TTC21A: variants seen among roughly 807,000 people sequenced by gnomAD.
TTC21A encodes the protein tetratricopeptide repeat domain 21A.
TTC21A carries 128 observed loss-of-function variants against 156.4 expected under a neutral mutation model. The ratio of observed to expected loss-of-function variants is 0.82; its 90% confidence interval spans 0.71 to 0.95. The LOEUF is 0.95. Among genes scored for constraint, TTC21A ranks in the 40% least tolerant of loss-of-function variants. The pLI is 0.00. For missense variants in TTC21A, 1,435 were observed against 1,602.3 expected, an observed-to-expected ratio of 0.90 and a Z score of 1.78; for synonymous variants, 587 against 617.1, an observed-to-expected ratio of 0.95 and a Z score of 0.72.
chr3:39,111,960 G>A (rs4676599), intron 4 of TTC21A, among the ~76,000 whole-genome samples: 5,212 of 152,290 alleles, frequency 0.034, 187 homozygotes, highest in East Asian at 0.16. Flanking sequence ...CGAGGTCCAC[G>A]AGCTCAGAAC....
Position 39,128,988 on chromosome 3 carries a change from T to A in TTC21A, c.1896+56T>A, listed in dbSNP as rs2038499052. ...ACTGGGGCACACTGGAGGCTCAGGG[T>A]AGGCCCAGGAACCAGGTTCTTTGAT... On this transcript the variant is annotated intron_variant, in intron 14 of 28. Transcript: ENST00000683103. The A allele has an allele frequency of 1.9e-6, 3 of 1,608,434 alleles. No homozygotes were observed. The East Asian group carries it at 6.7e-5, about 36-fold the overall frequency.
chr3:39,119,644 G>GA (rs1447509215), intron 7 of TTC21A: 9 of 219,614 alleles, frequency 4.1e-5, no homozygotes, highest in South Asian at 1.9e-4. Flanking sequence ...AAAAAAAAAA[G>GA]AAAAAAAAGA....
In TTC21A at chr3:39,125,105, C is replaced by T; in HGVS notation, c.1136C>T (p.Ala379Val). The part of the protein sequence containing the change: ...CHILEGHLEE[A>V]EYRLEFLKEV... Reference sequence around the variant, plus strand: ...ATCTTAGAAGGCCACCTGGAGGAAGCTGAGTACCGGCTGGAATTCCTGAAG... The same window carrying T: ...ATCTTAGAAGGCCACCTGGAGGAAGTTGAGTACCGGCTGGAATTCCTGAAG... Residue 379 changes from alanine (A) to valine (V), a missense_variant, in exon 10 of 29, where the codon GCT becomes GTT. Transcript: ENST00000683103. The T allele has an allele frequency of 1.2e-6, 2 of 1,614,048 alleles. No homozygotes were observed. The highest frequency in any genetic ancestry group is 4.5e-5 in the East Asian group (2 of 44,884).
At chr3:39,111,749 G>T (rs1325766478) in intron 4 of TTC21A, among the ~76,000 whole-genome samples, 1 of 152,192 alleles carries the variant, frequency 6.6e-6, no homozygotes, top group Admixed American at 6.5e-5. Flanking sequence ...TCTTGGAAGG[G>T]GAGGGATTGA....
rs199934325 is a variant in TTC21A, at chr3:39,134,180, G to T, written c.2752-38G>T. 2 of 1,369,674 alleles carry T rather than the reference G, an allele frequency of 1.5e-6. No homozygotes were observed. Among genetic ancestry groups the T allele is most frequent in the African/African-American group, 2.8e-5 (2 of 70,306 alleles). The allele number at this position is 1,369,674 out of a possible 1,614,324, so 84.8% of individuals were successfully genotyped here. On this transcript the variant is annotated intron_variant, in intron 20 of 28. Coordinates refer to ENST00000683103, the MANE Select transcript of TTC21A (RefSeq NM_001366900.1). The surrounding 1 kb of genome is among the most constrained non-coding windows in gnomAD (Gnocchi z 4.6). ...GATAACCCCAGGGGTTTCCCATGGT[G>T]TTTACTAGTTAGTTTATTATATCCG...
chr3:39,133,878 T>C (rs1402022490), intron 20 of TTC21A, among the ~76,000 whole-genome samples: 1 of 152,122 alleles, frequency 6.6e-6, no homozygotes, highest in African/African-American at 2.4e-5. Flanking sequence ...TGCCATGCAA[T>C]ACATGCCTGC....
chr3:39,130,297 A>G lies in TTC21A; in HGVS notation c.2258A>G (p.His753Arg), dbSNP rs764986294. Residue 753 changes from histidine to arginine, a missense_variant, in exon 17 of 29, where the codon CAT (histidine) becomes CGT (arginine). Physicochemically the swap from His to Arg is conservative, Grantham distance 29 (BLOSUM62 0). Transcript: ENST00000683103. This position sits in a 1 kb window ranked among gnomAD's most constrained non-coding sequence, Gnocchi z 4.5. ...VYDEAYRQNP[H>R]DASLASRIGH... is the part of the protein sequence containing the mutation. Reference sequence around the variant, plus strand: ...GATGAGGCCTATAGACAGAACCCACATGACGCCTCCCTGGCCAGCAGAATT... The same window carrying G: ...GATGAGGCCTATAGACAGAACCCACGTGACGCCTCCCTGGCCAGCAGAATT... 6.9e-5 allele frequency: 111 copies of G among 1,614,064 alleles called. 2 individuals are homozygous for G. In the South Asian group the frequency reaches 1.0e-3, roughly 15 times the overall value.
At chr3:39,126,514 A>ACACACACACACACACACC (rs2038265290) in intron 12 of TTC21A, 124 bp downstream of exon 12, 1 of 966,086 alleles carries the variant, frequency 1.0e-6, no homozygotes, top group African/African-American at 1.8e-5. Context: ...ACACACACAC[A>ACACACACACACACACACC]CACACACTCT....
intron 19 of TTC21A, 72 bp from the exon 20 acceptor site, chr3:39,132,980 G>C: frequency 6.5e-7 from 1 of 1,540,686 alleles, no homozygotes; most frequent in Non-Finnish European, 8.8e-7. Context: ...TTTGAATTAA[G>C]AACTTAGGAC....
rs1021676161 is a variant in TTC21A, at chr3:39,129,511, G to A, written c.2135+201G>A. 5.9e-5 allele frequency among the ~76,000 whole-genome samples: 9 copies of A among 152,184 alleles called. No homozygotes were observed. The East Asian group carries it at 7.7e-4, about 13-fold the overall frequency. On this transcript the variant is annotated intron_variant, in intron 15 of 28. Transcript: ENST00000683103. ...TGTTCATGGATGAGGATACAGAATC[G>A]AATTGGCCCTGAGCCCTGCTTGCCT...
chr3:39,135,056 T>G, intron 21 of TTC21A, 37 bp from the exon 22 acceptor site: 1 of 1,405,356 alleles, frequency 7.1e-7, no homozygotes, highest in Non-Finnish European at 9.9e-7. Context: ...AAGCTGCCAC[T>G]GTTGGGAAAT....
At chr3:39,108,352 T>G (rs13077681) in intron 1 of TTC21A, 2,253 of 161,240 alleles carry the variant, frequency 0.014, 18 homozygotes, top group Non-Finnish European at 0.024. Context: ...TGCAACAGCC[T>G]CCCTCCCATC....
At position 39,125,547 on chromosome 3, in the gene TTC21A, T is replaced by A; in HGVS notation, c.1392+15T>A. 1.3e-6 allele frequency: 2 copies of A among 1,581,270 alleles called. No homozygotes were observed. Among genetic ancestry groups the A allele is most frequent in the Non-Finnish European group, 1.7e-6 (2 of 1,150,316 alleles). ...GCCCCAAGCAGGTTAGGGGAAGGCC[T>A]GTCTTCATGGTGGGGGTCTGGAGTA... On this transcript the variant is annotated intron_variant, in intron 11 of 28. Transcript: ENST00000683103.
rs1419254129 is a variant in TTC21A at position 39,126,518 on chromosome 3, A to ACT, written c.1522+129_1522+130insTC. On this transcript the variant is annotated intron_variant, in intron 12 of 28. Transcript: ENST00000683103. The stretch of plus-strand genomic sequence containing the variant: ...CACACACACACACACACACACACAC[A>ACT]CACTCTCCTTGCCTGGGGTACTACG... The ACT allele has an allele frequency of 4.4e-6, 4 of 908,422 alleles. No individual in the cohort carries two copies. In the African/African-American group the frequency reaches 8.1e-5, roughly 18 times the overall value. 56.3% of individuals were successfully genotyped at this position (908,422 alleles called of 1,614,324 possible).
At chr3:39,117,074 T>TG (rs1421880252) in intron 6 of TTC21A, among the ~76,000 whole-genome samples, 1 of 152,222 alleles carries the variant, frequency 6.6e-6, no homozygotes, top group Non-Finnish European at 1.5e-5. Context: ...ATATAAGCAT[T>TG]GAAGTCTGTG....
At chr3:39,137,133 A>G in intron 24 of TTC21A, 62 bp from the exon 25 acceptor site, 3 of 1,599,900 alleles carry the variant, frequency 1.9e-6, no homozygotes, top group Non-Finnish European at 2.6e-6. Context: ...GGTTGAAGCC[A>G]GGTGAGGGCC....
At chr3:39,126,514 ACACACACT>A (rs1380374891) in intron 12 of TTC21A, 124 bp downstream of exon 12, 8 of 966,104 alleles carry the variant, frequency 8.3e-6, no homozygotes, top group African/African-American at 1.8e-5. Context: ...ACACACACAC[ACACACACT>A]CTCCTTGCCT....
chr3:39,110,483 T>C, intron 3 of TTC21A: 1 of 497,882 alleles, frequency 2.0e-6, no homozygotes, highest in Non-Finnish European at 3.7e-6. Context: ...TCCACATTTC[T>C]AGAGTCAGGG....
intron 2 of TTC21A, among the ~76,000 whole-genome samples, chr3:39,109,686 A>G (rs922487350): frequency 1.3e-5 from 2 of 152,200 alleles, no homozygotes; most frequent in Non-Finnish European, 2.9e-5. Flanking sequence ...GAGGACATGG[A>G]GGGATAAATG....
Sources: allele counts gnomAD v4.1 joint callset (sites outside exome capture counted in the v4.1 genomes callset), GRCh38; gene constraint gnomAD v4.1.1; non-coding constraint Gnocchi (gnomAD v3.1); transcripts MANE v1.5; gene names NCBI Gene and HGNC (gene_info 2026-07-23, HGNC 2026-07-21).